SLC47A2: variants seen among roughly 807,000 people sequenced by gnomAD.
The protein encoded by SLC47A2 is multidrug and toxin extrusion protein 2.
SLC47A2 carries 52 observed loss-of-function variants against 67.7 expected under a neutral mutation model. The observed-to-expected ratio is 0.77, with a 90% CI of 0.61 to 0.97. The LOEUF (loss-of-function observed/expected upper bound fraction) is 0.97, where lower values mean the gene tolerates loss of function less well. Ranked by LOEUF, SLC47A2 falls within the 50% of genes least tolerant of loss-of-function variation. The probability of loss-of-function intolerance (pLI) is 0.00; values close to 1 mark genes in which losing one functional copy is unlikely to be tolerated. For missense variants in SLC47A2, 676 were observed against 712.3 expected, an observed-to-expected ratio of 0.95 and a Z score of 0.58; for synonymous variants, 278 against 292.9, an observed-to-expected ratio of 0.95 and a Z score of 0.52.
intron 9 of SLC47A2, 94 bp from the exon 10 acceptor site, chr17:19,705,597 C>CT (rs34629869): frequency 0.039 from 34,369 of 876,416 alleles, 10 homozygotes; most frequent in Middle Eastern, 0.065. Context: ...GACTCAGGGG[C>CT]TTTTTTTTTT....
chr17:19,685,036 G>A lies in SLC47A2; in HGVS notation c.1165-3366C>T, dbSNP rs1413089208. Among the ~76,000 whole-genome samples the A allele has an allele frequency of 6.6e-6, 1 of 152,142 alleles. No homozygotes were observed. Among genetic ancestry groups the A allele is most frequent in the African/African-American group, 2.4e-5 (1 of 41,436 alleles). On this transcript the variant is annotated intron_variant, in intron 13 of 16. Coordinates refer to ENST00000433844, the MANE Select transcript of SLC47A2 (RefSeq NM_001099646.3). This position sits in a 1 kb window ranked among gnomAD's most constrained non-coding sequence, Gnocchi z 4.5. ...GGTTTTTGTATTTTTGGTGGAGATG[G>A]GGTTTCGCCGTGTTGACCGGGCTGG...
At position 19,703,103 on chromosome 17, in the gene SLC47A2, A is replaced by G. The variant is rs1376820881; in HGVS notation, c.1083T>C (p.Phe361=). ...AACTGATTACCTACTCATCATTGGTAAAAATATGCCCCAGCTGATTTTTCA... is the reference window on the plus strand; with the variant it reads ...AACTGATTACCTACTCATCATTGGTGAAAATATGCCCCAGCTGATTTTTCA... ...SILKNQLGHI[F]TNDEDVIALV... Residue 361 remains phenylalanine (F), a synonymous_variant, in exon 12 of 17, where the codon TTT becomes TTC. Coordinates refer to ENST00000433844, the MANE Select transcript of SLC47A2 (RefSeq NM_001099646.3). 1 of 1,613,974 alleles carries G rather than the reference A, an allele frequency of 6.2e-7. No homozygotes were observed. Among genetic ancestry groups the G allele is most frequent in the Non-Finnish European group, 8.5e-7 (1 of 1,179,978 alleles).
In SLC47A2 at chr17:19,678,417, C is replaced by T; in HGVS notation, c.*269G>A. The T allele has an allele frequency of 2.1e-6, 1 of 484,386 alleles. No homozygotes were observed. The highest frequency in any genetic ancestry group is 3.7e-6 in the Non-Finnish European group (1 of 269,226). The allele number at this position is 484,386 out of a possible 1,614,324, so 30.0% of individuals were successfully genotyped here. A position where few individuals can be genotyped will look rare whatever the true frequency, so the allele number is the denominator to read the frequency against. On this transcript the variant is annotated 3_prime_UTR_variant, in exon 17 of 17. Transcript: ENST00000433844. ...ACATTATTAATAATAGTGACAATCC[C>T]TGGACTCTGACTCGTGCAGTTGGCT...
rs549931148 is a variant in SLC47A2 at position 19,685,079 on chromosome 17, C to T, written c.1165-3409G>A. Among the ~76,000 whole-genome samples, 5 of 152,154 alleles carry T rather than the reference C, an allele frequency of 3.3e-5. No homozygotes were observed. Among genetic ancestry groups the T allele is most frequent in the Admixed American group, 2.6e-4 (4 of 15,292 alleles). On this transcript the variant is annotated intron_variant, in intron 13 of 16. Coordinates refer to ENST00000433844, the MANE Select transcript of SLC47A2 (RefSeq NM_001099646.3). This position sits in a 1 kb window ranked among gnomAD's most constrained non-coding sequence, Gnocchi z 4.5. Reference sequence around the variant, plus strand: ...CGGGCTGGCCTCCAGCTCCTAGCCTCGGGTGAAGTGCCCGCCTCGGCCTCC... The same window carrying T: ...CGGGCTGGCCTCCAGCTCCTAGCCTTGGGTGAAGTGCCCGCCTCGGCCTCC...
chr17:19,685,046 G>A lies in SLC47A2; in HGVS notation c.1165-3376C>T, dbSNP rs762060769. Among the ~76,000 whole-genome samples the A allele has an allele frequency of 3.3e-5, 5 of 152,150 alleles. No individual in the cohort carries two copies. The highest frequency in any genetic ancestry group is 6.5e-5 in the Admixed American group (1 of 15,274). On this transcript the variant is annotated intron_variant, in intron 13 of 16. Transcript: ENST00000433844. The surrounding 1 kb of genome is among the most constrained non-coding windows in gnomAD (Gnocchi z 4.5). Reference sequence around the variant, plus strand: ...TTTTTGGTGGAGATGGGGTTTCGCCGTGTTGACCGGGCTGGCCTCCAGCTC... The same window carrying A: ...TTTTTGGTGGAGATGGGGTTTCGCCATGTTGACCGGGCTGGCCTCCAGCTC...
At chr17:19,692,178 A>C in intron 13 of SLC47A2, 1 of 380,728 alleles carries the variant, frequency 2.6e-6, no homozygotes, top group Non-Finnish European at 5.0e-6. Context: ...AAATGAGCCA[A>C]GATCGTGCCA....
At chr17:19,707,154 A>ATG (rs1386268733) in intron 8 of SLC47A2, among the ~76,000 whole-genome samples, 12 of 151,760 alleles carry the variant, frequency 7.9e-5, no homozygotes, top group Non-Finnish European at 1.6e-4. Context: ...AGGGAAACAC[A>ATG]CCACAGGTGC....
intron 2 of SLC47A2, 95 bp from the exon 3 acceptor site, chr17:19,714,884 C>T (rs2152364509): frequency 6.4e-7 from 1 of 1,554,954 alleles, no homozygotes; most frequent in Middle Eastern, 1.7e-4. Flanking sequence ...GAAATGCTGC[C>T]CAGCAGGCAG....
chr17:19,712,779 G>C, intron 4 of SLC47A2, 34 bp from the exon 5 acceptor site: 2 of 1,607,798 alleles, frequency 1.2e-6, no homozygotes. Flanking sequence ...GAGCTGACCA[G>C]GCTGTGGCCC....
rs200816099 is a variant in SLC47A2 at position 19,708,697 on chromosome 17, A to G, written c.531+19T>C. 46 of 1,613,732 alleles carry G rather than the reference A, an allele frequency of 2.9e-5. No homozygotes were observed. Among genetic ancestry groups the G allele is most frequent in the African/African-American group, 1.3e-5 (1 of 74,920 alleles). ...AGTGTGCTGGGAGAAGGGCCTCCCCACACACCAAAGACCTGTACCTGATTT... is the reference window on the plus strand; with the variant it reads ...AGTGTGCTGGGAGAAGGGCCTCCCCGCACACCAAAGACCTGTACCTGATTT... On this transcript the variant is annotated intron_variant, in intron 6 of 16. Transcript: ENST00000433844.
intron 13 of SLC47A2, among the ~76,000 whole-genome samples, chr17:19,684,672 G>A (rs2094651674): frequency 6.9e-6 from 1 of 144,694 alleles, no homozygotes; most frequent in East Asian, 2.0e-4. Flanking sequence ...ACCAGCTTGG[G>A]CAATATAGCA....
chr17:19,681,474 A>G lies in SLC47A2; in HGVS notation c.1298-13T>C. ...CCCAGCCAGAGGCCTGGAGGAGACA[A>G]GTGATGATGGGAACAATGTCCGACG... On this transcript the variant is annotated splice_polypyrimidine_tract_variant and intron_variant, in intron 14 of 16. Coordinates refer to ENST00000433844, the MANE Select transcript of SLC47A2 (RefSeq NM_001099646.3). The G allele has an allele frequency of 6.2e-7, 1 of 1,614,066 alleles. No homozygotes were observed. The highest frequency in any genetic ancestry group is 8.5e-7 in the Non-Finnish European group (1 of 1,180,006).
chr17:19,714,900 G>T, intron 2 of SLC47A2, 111 bp from the exon 3 acceptor site: 1 of 1,471,926 alleles, frequency 6.8e-7, no homozygotes, highest in Non-Finnish European at 9.5e-7. Context: ...GGCAGCGGTG[G>T]CAGAGGCTCT....
Position 19,712,794 on chromosome 17 carries a change from A to AGGCAG in SLC47A2, c.444-54_444-50dup, listed in dbSNP as rs781700520. ...GAGCTGACCAGGCTGTGGCCCGGGG[A>AGGCAG]GGCAGGGCCCTCTCCCCTGTGTCCT... On this transcript the variant is annotated intron_variant, in intron 4 of 16. Coordinates refer to ENST00000433844, the MANE Select transcript of SLC47A2 (RefSeq NM_001099646.3). The AGGCAG allele has an allele frequency of 1.9e-6, 3 of 1,578,182 alleles. No homozygotes were observed. In the South Asian group the frequency reaches 3.4e-5, roughly 18 times the overall value.
intron 13 of SLC47A2, among the ~76,000 whole-genome samples, chr17:19,693,075 A>G (rs1057409049): frequency 2.6e-5 from 4 of 151,996 alleles, no homozygotes; most frequent in South Asian, 4.2e-4. Flanking sequence ...AGATTGCAGT[A>G]AGCCCAGATT....
chr17:19,678,490 G>T lies in SLC47A2; in HGVS notation c.*196C>A, dbSNP rs2085236657. On this transcript the variant is annotated 3_prime_UTR_variant, in exon 17 of 17. Transcript: ENST00000433844. The stretch of plus-strand genomic sequence containing the variant: ...AAGTCACAGAAGAAAACTCCAGCTT[G>T]ACCAGAACAGAATTGTCAAGTCTGT... The T allele has an allele frequency of 4.9e-6, 3 of 606,200 alleles. No individual in the cohort carries two copies. The highest frequency in any genetic ancestry group is 5.9e-5 in the Admixed American group (2 of 33,796). The allele number at this position is 606,200 out of a possible 1,614,324, so 37.6% of individuals were successfully genotyped here. A position where few individuals can be genotyped will look rare whatever the true frequency, so the allele number is the denominator to read the frequency against.
chr17:19,684,852 T>A (rs927754696), intron 13 of SLC47A2, among the ~76,000 whole-genome samples: 1 of 152,142 alleles, frequency 6.6e-6, no homozygotes, highest in Non-Finnish European at 1.5e-5. Context: ...GCTCTCGCTC[T>A]CCATCTCCCT....
rs772398333 is a variant in SLC47A2, at chr17:19,715,195, A to G, written c.146T>C (p.Phe49Ser). 3 of 1,611,128 alleles carry G rather than the reference A, an allele frequency of 1.9e-6. No individual in the cohort carries two copies. Among genetic ancestry groups the G allele is most frequent in the East Asian group, 4.5e-5 (2 of 44,884 alleles). The change falls in exon 2 of 17, where the codon TTT becomes TCT. Residue 49 changes from phenylalanine to serine, a missense_variant. Transcript: ENST00000433844. ...GPLFLFQVLT[F>S]MIYIVSTVFC... ...CACAGTGCTCACGATGTAGATCATA[A>G]AAGTCAGCACCTGGAACAGGAACTG...
rs185363233 is a variant in SLC47A2, at chr17:19,683,272, A to G, written c.1165-1602T>C. 5.2e-3 allele frequency among the ~76,000 whole-genome samples: 787 copies of G among 152,216 alleles called. 5 individuals carry two copies. Among genetic ancestry groups the G allele is most frequent in the Non-Finnish European group, 7.9e-3 (540 of 67,994 alleles). On this transcript the variant is annotated intron_variant, in intron 13 of 16. Coordinates refer to ENST00000433844, the MANE Select transcript of SLC47A2 (RefSeq NM_001099646.3). ...GTGTTACAGCATCTAGTGGGTAGAG[A>G]CCAAGGATGCTGCTAAACATCCTAC...
Sources: gnomAD v4.1 joint callset for allele counts (sites outside exome capture counted in the v4.1 genomes callset) on GRCh38, gnomAD v4.1.1 for gene constraint, Gnocchi (gnomAD v3.1) non-coding constraint, MANE v1.5 for transcripts, NCBI Gene and HGNC (gene_info 2026-07-23, HGNC 2026-07-21) for gene names.